The following CDH18 variants were observed in gnomAD, a reference collection of about 807,000 sequenced individuals.
CDH18 encodes cadherin 18.
In CDH18, 31 loss-of-function variants were observed where a neutral mutation model predicts 67.9. That is an observed-to-expected ratio of 0.46 (90% CI 0.34 to 0.62). CDH18 has a LOEUF of 0.62. Among genes scored for constraint, CDH18 ranks in the 20% least tolerant of loss-of-function variants. CDH18 has a pLI of 0.01. For synonymous variants in CDH18, 362 were observed against 347.2 expected, an observed-to-expected ratio of 1.04 and a Z score of -0.48; for missense variants, 890 against 975.5, an observed-to-expected ratio of 0.91 and a Z score of 1.17.
intron 1 of CDH18, among the ~76,000 whole-genome samples, chr5:20,345,899 C>G (rs372592814): frequency 6.6e-6 from 1 of 152,144 alleles, no homozygotes; most frequent in Non-Finnish European, 1.5e-5. Context: ...CTATGTATAT[C>G]TCCTTTGGAA....
intron 7 of CDH18, among the ~76,000 whole-genome samples, chr5:19,581,375 G>A (rs759490075): frequency 1.3e-5 from 2 of 151,552 alleles, no homozygotes; most frequent in East Asian, 3.9e-4. Context: ...CCCATCAATC[G>A]TTTCCCAGCC....
At chr5:20,078,760 G>A (rs1392773270) in intron 2 of CDH18, among the ~76,000 whole-genome samples, 2 of 151,640 alleles carry the variant, frequency 1.3e-5, no homozygotes, top group South Asian at 2.1e-4. Flanking sequence ...CTGCCACCAC[G>A]CCCAGCTAAT....
chr5:19,473,211 G>C lies in CDH18; in HGVS notation c.*15C>G. The C allele has an allele frequency of 6.2e-7, 1 of 1,608,680 alleles. No homozygotes were observed. The highest frequency in any genetic ancestry group is 8.5e-7 in the Non-Finnish European group (1 of 1,176,528). The stretch of plus-strand genomic sequence containing the variant: ...CTCAGGAAGCAAATTCCACAAGGTT[G>C]CAAGAACTGACCCCCTAAGTTGTTC... On this transcript the variant is annotated 3_prime_UTR_variant, in exon 13 of 13. Coordinates refer to ENST00000382275, the MANE Select transcript of CDH18 (RefSeq NM_004934.5).
At chr5:19,936,915 T>G (rs1227321393) in intron 2 of CDH18, among the ~76,000 whole-genome samples, 1 of 151,198 alleles carries the variant, frequency 6.6e-6, no homozygotes, top group Non-Finnish European at 1.5e-5. Flanking sequence ...ATACAGATAC[T>G]GCAATTATTG....
At chr5:20,384,476 C>A (rs1040895342) in intron 1 of CDH18, among the ~76,000 whole-genome samples, 2 of 152,032 alleles carry the variant, frequency 1.3e-5, no homozygotes, top group Non-Finnish European at 1.5e-5. Flanking sequence ...TTTTCTTTAT[C>A]CACTCATCTG....
intron 1 of CDH18, among the ~76,000 whole-genome samples, chr5:20,407,927 A>G (rs1211642644): frequency 4.6e-5 from 7 of 152,052 alleles, no homozygotes; most frequent in East Asian, 1.9e-4. Context: ...CTCTGCCTCA[A>G]TAAGATAAAA....
chr5:20,104,977 GA>G, intron 2 of CDH18, among the ~76,000 whole-genome samples: 1 of 152,014 alleles, frequency 6.6e-6, no homozygotes, highest in South Asian at 2.1e-4. Context: ...ATACACAATA[GA>G]AATTGTTTAT....
At chr5:19,834,981 G>T (rs1781462291) in intron 3 of CDH18, among the ~76,000 whole-genome samples, 1 of 152,098 alleles carries the variant, frequency 6.6e-6, no homozygotes, top group Non-Finnish European at 1.5e-5. Flanking sequence ...CAAGGATCTA[G>T]AATTAGAAAT....
At chr5:19,825,407 C>T (rs1005349047) in intron 3 of CDH18, among the ~76,000 whole-genome samples, 3 of 152,098 alleles carry the variant, frequency 2.0e-5, no homozygotes, top group African/African-American at 7.2e-5. Context: ...GGGCTACACC[C>T]ACTAGAGCTT....
rs143604369 is a variant in CDH18, at chr5:20,358,188, A to G, written c.-579-102683T>C. Among the ~76,000 whole-genome samples, 55 of 152,314 alleles carry G rather than the reference A, an allele frequency of 3.6e-4. No individual in the cohort carries two copies. In the South Asian group the frequency reaches 9.5e-3, roughly 26 times the overall value. On this transcript the variant is annotated intron_variant, in intron 1 of 14. Transcript: ENST00000507958. ...GAGGGAGGGGCGCGAAGGCTGAAGA[A>G]CTACCTGTTGGGTACTATGCCCACT...
At chr5:20,142,125 G>GA (rs1484018631) in intron 2 of CDH18, among the ~76,000 whole-genome samples, 1 of 152,020 alleles carries the variant, frequency 6.6e-6, no homozygotes, top group African/African-American at 2.4e-5. Flanking sequence ...CAAATGATTT[G>GA]TGGTCTCATC....
intron 2 of CDH18, among the ~76,000 whole-genome samples, chr5:20,204,783 TTTTC>T (rs2126327290): frequency 6.6e-6 from 1 of 152,096 alleles, no homozygotes; most frequent in East Asian, 1.9e-4. Flanking sequence ...AAGGGTTTTT[TTTTC>T]TTTCTTTTTG....
At chr5:19,701,641 A>G (rs998892180) in intron 5 of CDH18, among the ~76,000 whole-genome samples, 8 of 152,242 alleles carry the variant, frequency 5.3e-5, no homozygotes, top group South Asian at 4.1e-4. Context: ...TATTGGCTCT[A>G]TTGTCCAGCA....
intron 10 of CDH18, among the ~76,000 whole-genome samples, chr5:19,504,260 T>G (rs17839215): frequency 6.6e-6 from 1 of 151,948 alleles, no homozygotes; most frequent in South Asian, 2.1e-4. Flanking sequence ...ACTTCCTCAT[T>G]ATGTTTACTG....
intron 2 of CDH18, among the ~76,000 whole-genome samples, chr5:20,052,323 A>G (rs981388036): frequency 1.3e-5 from 2 of 152,080 alleles, no homozygotes; most frequent in African/African-American, 4.8e-5. Context: ...TCTCTTTGCT[A>G]GTCAGACTTA....
chr5:19,789,406 G>A (rs901170894), intron 3 of CDH18, among the ~76,000 whole-genome samples: 16 of 152,136 alleles, frequency 1.1e-4, no homozygotes, highest in African/African-American at 3.4e-4. Flanking sequence ...GACTAGAAGT[G>A]ACTGTTAATA....
chr5:19,878,039 TAAG>T (rs1328439601), intron 2 of CDH18: 1 of 152,108 alleles, frequency 6.6e-6, no homozygotes, highest in Non-Finnish European at 1.5e-5. Context: ...AACTTCGTTG[TAAG>T]AAGGTAGTTG....
chr5:19,995,918 T>A (rs1735979637), intron 2 of CDH18, among the ~76,000 whole-genome samples: 2 of 152,050 alleles, frequency 1.3e-5, no homozygotes, highest in Admixed American at 1.3e-4. Flanking sequence ...GTAATGAAAA[T>A]TGACATTTAG....
At chr5:20,233,603 C>T (rs1742246620) in intron 2 of CDH18, among the ~76,000 whole-genome samples, 1 of 151,798 alleles carries the variant, frequency 6.6e-6, no homozygotes, top group African/African-American at 2.4e-5. Flanking sequence ...CACATATGTA[C>T]ACACGCATGT....
Sources: gnomAD v4.1 joint callset for allele counts (sites outside exome capture counted in the v4.1 genomes callset) on GRCh38, gnomAD v4.1.1 for gene constraint, MANE v1.5 for transcripts, NCBI Gene and HGNC (gene_info 2026-07-23, HGNC 2026-07-21) for gene names.